The following PARD3B variants were observed in gnomAD, a reference collection of about 807,000 sequenced individuals.
PARD3B encodes the protein partitioning defective 3 homolog B.
A neutral mutation model predicts 130.2 loss-of-function variants in PARD3B; 103 were observed. The ratio of observed to expected loss-of-function variants is 0.79; its 90% CI spans 0.67 to 0.93. The LOEUF is 0.93. Among genes scored for constraint, PARD3B ranks in the 40% least tolerant of loss-of-function variants. The probability of loss-of-function intolerance (pLI) is 0.00; values close to 1 mark genes in which losing one functional copy is unlikely to be tolerated. For missense variants in PARD3B, 1,609 were observed against 1,499.2 expected (o/e 1.07, Z -1.21); for synonymous variants, 583 against 553.2 (o/e 1.05, Z -0.76).
Position 205,500,030 on chromosome 2 carries a change from G to A in PARD3B, c.3179G>A (p.Trp1060Ter), listed in dbSNP as rs369457945. 1.9e-6 allele frequency: 3 copies of A among 1,612,686 alleles called. No individual in the cohort carries two copies. The highest frequency in any genetic ancestry group is 2.5e-6 in the Non-Finnish European group (3 of 1,179,426). The change falls in exon 21 of 23, where the codon TGG becomes TAG. Residue 1060 changes from tryptophan to a stop codon, truncating the protein, a stop_gained and splice_region_variant. Coordinates refer to ENST00000406610, the MANE Select transcript of PARD3B (RefSeq NM_001302769.2). LOFTEE classifies it high-confidence loss of function. ...AGGCCATCTGAGTATGACCTACTCT[G>A]GGTAAGCGCATGCATGATTTCAATC... is the stretch of plus-strand genomic sequence containing the variant. The part of the protein sequence containing the change: ...RARPSEYDLL[W>*]VPGRGPDGNA...
At chr2:205,039,387 G>A (rs1698237207) in intron 3 of PARD3B, among the ~76,000 whole-genome samples, 2 of 152,072 alleles carry the variant, frequency 1.3e-5, no homozygotes, top group South Asian at 2.1e-4. Flanking sequence ...TTCCTCTCAG[G>A]TACTCAGCTT....
chr2:205,316,096 G>C (rs529995247), intron 18 of PARD3B, among the ~76,000 whole-genome samples: 1 of 152,286 alleles, frequency 6.6e-6, no homozygotes, highest in East Asian at 1.9e-4. Flanking sequence ...AATTGGAGTA[G>C]ATTTATTTGG....
At chr2:205,221,395 G>T (rs556516626) in intron 15 of PARD3B, among the ~76,000 whole-genome samples, 1 of 152,168 alleles carries the variant, frequency 6.6e-6, no homozygotes, top group Non-Finnish European at 1.5e-5. Flanking sequence ...TACGAAAAAC[G>T]ACTTCAGGAT....
intron 15 of PARD3B, among the ~76,000 whole-genome samples, chr2:205,214,086 T>C (rs548103240): frequency 3.3e-5 from 5 of 152,104 alleles, no homozygotes; most frequent in Admixed American, 1.3e-4. Context: ...TTTAGGTTTT[T>C]TGTTTGTTTT....
chr2:204,653,701 G>T (rs1051047074), intron 1 of PARD3B, among the ~76,000 whole-genome samples: 13 of 147,048 alleles, frequency 8.8e-5, no homozygotes, highest in Non-Finnish European at 1.9e-4. Context: ...TGAGACAGGA[G>T]AATTGCTTGA....
At chr2:205,120,153 A>AT (rs2030506328) in intron 7 of PARD3B, among the ~76,000 whole-genome samples, 1 of 152,220 alleles carries the variant, frequency 6.6e-6, no homozygotes, top group Admixed American at 6.5e-5. Context: ...TTGTGTTAAA[A>AT]TAATGAATGA....
intron 20 of PARD3B, among the ~76,000 whole-genome samples, chr2:205,469,571 G>A (rs557917926): frequency 6.6e-6 from 1 of 152,240 alleles, no homozygotes; most frequent in African/African-American, 2.4e-5. Context: ...GGGGAACAAG[G>A]TTGTTTGTAC....
At chr2:205,455,576 C>G (rs2048245781) in intron 20 of PARD3B, among the ~76,000 whole-genome samples, 1 of 151,652 alleles carries the variant, frequency 6.6e-6, no homozygotes, top group Non-Finnish European at 1.5e-5. Flanking sequence ...CAGTTCTTAT[C>G]AAATAACTTC....
intron 21 of PARD3B, among the ~76,000 whole-genome samples, chr2:205,523,130 A>ATTCTTGTCCTT (rs1180780198): frequency 6.6e-6 from 1 of 150,596 alleles, no homozygotes; most frequent in African/African-American, 2.4e-5. Context: ...GATAACTGGG[A>ATTCTTGTCCTT]TTCTTGTCCT....
chr2:204,635,135 C>A (rs920524603), intron 1 of PARD3B, among the ~76,000 whole-genome samples: 1 of 152,162 alleles, frequency 6.6e-6, no homozygotes, highest in African/African-American at 2.4e-5. Context: ...AGTTTTTTAG[C>A]CAGTGGAAGC....
chr2:204,974,698 G>C (rs1691989824), intron 3 of PARD3B, among the ~76,000 whole-genome samples: 2 of 152,188 alleles, frequency 1.3e-5, no homozygotes, highest in South Asian at 4.1e-4. Context: ...CTTTAGCTTG[G>C]TGTTACAGTG....
intron 10 of PARD3B, among the ~76,000 whole-genome samples, chr2:205,134,119 G>A (rs572545852): frequency 1.3e-5 from 2 of 151,814 alleles, no homozygotes; most frequent in South Asian, 2.1e-4. Context: ...TTCTAGGAAA[G>A]TGATCCTTAA....
chr2:204,845,243 T>C (rs975821891), intron 2 of PARD3B, among the ~76,000 whole-genome samples: 1 of 152,180 alleles, frequency 6.6e-6, no homozygotes, highest in Non-Finnish European at 1.5e-5. Flanking sequence ...ATATTCTTGC[T>C]GACTTGAAGT....
intron 1 of PARD3B, among the ~76,000 whole-genome samples, chr2:204,602,309 G>C (rs1038237723): frequency 1.3e-5 from 2 of 151,860 alleles, no homozygotes; most frequent in African/African-American, 4.8e-5. Context: ...GGTGTGTCTC[G>C]TCCAAGATGT....
chr2:205,185,336 A>G (rs1043627080), intron 13 of PARD3B, among the ~76,000 whole-genome samples: 1 of 152,122 alleles, frequency 6.6e-6, no homozygotes, highest in African/African-American at 2.4e-5. Context: ...GTGATTTTTT[A>G]AAAGAAGTTT....
At chr2:204,704,906 A>G (rs1331784932) in intron 2 of PARD3B, among the ~76,000 whole-genome samples, 1 of 150,322 alleles carries the variant, frequency 6.7e-6, no homozygotes, top group East Asian at 1.9e-4. Flanking sequence ...GGCACATTTC[A>G]TCACCAGAGT....
At chr2:204,910,368 T>C (rs1214578369) in intron 2 of PARD3B, among the ~76,000 whole-genome samples, 1 of 152,162 alleles carries the variant, frequency 6.6e-6, no homozygotes, top group Non-Finnish European at 1.5e-5. Flanking sequence ...GAGAATTATC[T>C]AGAGAAGCAA....
At chr2:204,759,226 C>A (rs2040801053) in intron 2 of PARD3B, among the ~76,000 whole-genome samples, 1 of 152,188 alleles carries the variant, frequency 6.6e-6, no homozygotes, top group South Asian at 2.1e-4. Flanking sequence ...CATAAACTTT[C>A]CTATCTGATT....
intron 13 of PARD3B, among the ~76,000 whole-genome samples, chr2:205,177,321 C>T (rs2035529624): frequency 6.6e-6 from 1 of 152,066 alleles, no homozygotes; most frequent in African/African-American, 2.4e-5. Context: ...ATACTTCTAT[C>T]AAAGATCCTA....
Sources: gnomAD v4.1 joint callset for allele counts (sites outside exome capture counted in the v4.1 genomes callset) on GRCh38, gnomAD v4.1.1 for gene constraint, MANE v1.5 for transcripts, NCBI Gene and HGNC (gene_info 2026-07-23, HGNC 2026-07-21) for gene names.